Variants in SNX8 observed in about 807,000 individuals in gnomAD.
SNX8 encodes the protein sorting nexin 8.
A neutral mutation model predicts 51.6 loss-of-function variants in SNX8; 25 were observed. That is an observed-to-expected ratio of 0.48 (90% CI 0.35 to 0.68). SNX8 has a LOEUF of 0.68. Among genes scored for constraint, SNX8 ranks in the 30% least tolerant of loss-of-function variants. The pLI is 0.00. For missense variants in SNX8, 695 were observed against 624.0 expected, an observed-to-expected ratio of 1.11 and a Z score of -1.21; for synonymous variants, 324 against 277.0, an observed-to-expected ratio of 1.17 and a Z score of -1.68.
intron 7 of SNX8, among the ~76,000 whole-genome samples, chr7:2,262,063 G>C (rs546255733): frequency 2.6e-5 from 4 of 152,122 alleles, no homozygotes; most frequent in African/African-American, 9.7e-5. Flanking sequence ...TTTGAGACAG[G>C]GTCTCGCTCT....
At position 2,282,679 on chromosome 7, in the gene SNX8, G is replaced by A. The variant is rs540760737; in HGVS notation, c.95-4374C>T. Among the ~76,000 whole-genome samples the A allele has an allele frequency of 9.2e-5, 14 of 152,256 alleles. No individual in the cohort carries two copies. In the East Asian group the frequency reaches 1.9e-3, roughly 21 times the overall value. On this transcript the variant is annotated intron_variant, in intron 1 of 10. Coordinates refer to ENST00000222990, the MANE Select transcript of SNX8 (RefSeq NM_013321.4). ...TCCCACCCCAGAGACCGCAGCTTTA[G>A]AAACAAAAAAGGATTGGCCGGGCGC...
At chr7:2,257,055 G>A (rs752789623) in intron 9 of SNX8, 32 bp from the exon 10 acceptor site, 4 of 1,571,850 alleles carry the variant, frequency 2.5e-6, no homozygotes, top group African/African-American at 1.3e-5. Flanking sequence ...TTCGCACCCG[G>A]CCCAGCCGGC....
intron 1 of SNX8, among the ~76,000 whole-genome samples, chr7:2,344,568 C>T (rs896944667): frequency 6.1e-5 from 9 of 148,200 alleles, no homozygotes; most frequent in South Asian, 4.2e-4. Flanking sequence ...GCCGAGATCG[C>T]GCCACTGCAC....
At chr7:2,302,422 G>A (rs1430691479) in intron 1 of SNX8, among the ~76,000 whole-genome samples, 2 of 152,246 alleles carry the variant, frequency 1.3e-5, no homozygotes, top group African/African-American at 4.8e-5. Flanking sequence ...TGCCCAGGCT[G>A]GAGTGCAGTG....
At chr7:2,302,670 C>T (rs941912345) in intron 1 of SNX8, among the ~76,000 whole-genome samples, 2 of 152,008 alleles carry the variant, frequency 1.3e-5, no homozygotes, top group East Asian at 1.9e-4. Context: ...CACCTCTTCC[C>T]GGCCGCCACC....
At chr7:2,330,678 T>C (rs1778713870) in intron 1 of SNX8, among the ~76,000 whole-genome samples, 1 of 152,006 alleles carries the variant, frequency 6.6e-6, no homozygotes, top group African/African-American at 2.4e-5. Context: ...GTCTCAGAGC[T>C]GAGTGGAGGA....
At chr7:2,348,315 G>A (rs1228603024) in intron 1 of SNX8, among the ~76,000 whole-genome samples, 2 of 148,866 alleles carry the variant, frequency 1.3e-5, no homozygotes, top group Non-Finnish European at 3.0e-5. Flanking sequence ...GGCGAGTACA[G>A]TATCTTTTTC....
rs1487181541 is a variant in SNX8 at position 2,284,817 on chromosome 7, G to C, written c.95-6512C>G. Among the ~76,000 whole-genome samples the C allele has an allele frequency of 1.2e-4, 18 of 152,144 alleles. 1 individual carries two copies. The highest frequency in any genetic ancestry group is 2.9e-5 in the Non-Finnish European group (2 of 68,038). The stretch of plus-strand genomic sequence containing the variant: ...TCCGCAGATGTCTTCAATTTTCAAT[G>C]TGAATATTCCTTCTTCCGCTCATAA... On this transcript the variant is annotated intron_variant, in intron 1 of 10. Transcript: ENST00000222990.
At chr7:2,332,453 A>G (rs1412564534) in intron 1 of SNX8, among the ~76,000 whole-genome samples, 1 of 152,056 alleles carries the variant, frequency 6.6e-6, no homozygotes, top group Non-Finnish European at 1.5e-5. Flanking sequence ...ATCTTGCATA[A>G]CCAACACAAT....
At chr7:2,309,286 C>T (rs1423537508) in intron 1 of SNX8, among the ~76,000 whole-genome samples, 1 of 152,194 alleles carries the variant, frequency 6.6e-6, no homozygotes, top group Non-Finnish European at 1.5e-5. Context: ...CTTTGGGAGG[C>T]CAAAGCAAGT....
intron 1 of SNX8, among the ~76,000 whole-genome samples, chr7:2,335,618 C>A (rs543215546): frequency 1.3e-5 from 2 of 151,742 alleles, no homozygotes; most frequent in East Asian, 1.9e-4. Context: ...CTGGTTAACA[C>A]GGTGAAACCC....
rs1167172034 is a variant in SNX8, at chr7:2,269,731, T to C, written c.541-92A>G. 9 of 740,994 alleles carry C rather than the reference T, an allele frequency of 1.2e-5. No individual in the cohort carries two copies. The East Asian group carries it at 2.2e-4, about 18-fold the overall frequency. 45.9% of individuals were successfully genotyped at this position (740,994 alleles called of 1,614,324 possible). On this transcript the variant is annotated intron_variant, in intron 4 of 10. Coordinates refer to ENST00000222990, the MANE Select transcript of SNX8 (RefSeq NM_013321.4). ...GGTCACTGTGGAGCGGGAGGTCGTC[T>C]TTCCTCAGGAGAAACACATTTCCAT...
intron 1 of SNX8, chr7:2,299,496 T>G (rs900258341): frequency 6.6e-6 from 1 of 152,056 alleles, no homozygotes; most frequent in Non-Finnish European, 1.5e-5. Flanking sequence ...ACCTCTCGGG[T>G]CTCTCATTTC....
chr7:2,325,831 C>CA (rs1349653782), intron 1 of SNX8, among the ~76,000 whole-genome samples: 8 of 150,632 alleles, frequency 5.3e-5, no homozygotes, highest in African/African-American at 1.2e-4. Flanking sequence ...GACTCTGTCT[C>CA]AAAAAAAATT....
intron 1 of SNX8, among the ~76,000 whole-genome samples, chr7:2,304,388 C>CAAAAAAA (rs1228592494): frequency 7.4e-6 from 1 of 134,644 alleles, no homozygotes; most frequent in African/African-American, 2.7e-5. Flanking sequence ...ACTAAAAATA[C>CAAAAAAA]AAAAAATTAG....
chr7:2,350,544 C>T (rs1473582731), intron 1 of SNX8, among the ~76,000 whole-genome samples: 5 of 152,304 alleles, frequency 3.3e-5, no homozygotes, highest in African/African-American at 1.2e-4. Context: ...TGGCTCATGC[C>T]TATAATCCCA....
At chr7:2,329,676 C>T (rs1257454442) in intron 1 of SNX8, among the ~76,000 whole-genome samples, 1 of 152,132 alleles carries the variant, frequency 6.6e-6, no homozygotes, top group East Asian at 1.9e-4. Flanking sequence ...GTCATGAAGC[C>T]TCCATAAAAA....
chr7:2,284,940 A>G (rs1339594405), intron 1 of SNX8, among the ~76,000 whole-genome samples: 1 of 151,878 alleles, frequency 6.6e-6, no homozygotes, highest in Non-Finnish European at 1.5e-5. Context: ...GGCTGGGCGG[A>G]GTGCCTCACG....
At chr7:2,336,571 G>A (rs189456084) in intron 1 of SNX8, among the ~76,000 whole-genome samples, 1 of 152,150 alleles carries the variant, frequency 6.6e-6, no homozygotes, top group Non-Finnish European at 1.5e-5. Context: ...AGCTGGGCAT[G>A]GTGGTGCGCA....
Sources: gnomAD v4.1 joint callset for allele counts (sites outside exome capture counted in the v4.1 genomes callset) on GRCh38, gnomAD v4.1.1 for gene constraint, MANE v1.5 for transcripts, NCBI Gene and HGNC (gene_info 2026-07-23, HGNC 2026-07-21) for gene names.